NUDT2: variants seen among roughly 807,000 people sequenced by gnomAD.
NUDT2 encodes the protein bis(5'-nucleosyl)-tetraphosphatase [asymmetrical].
NUDT2 carries 12 observed loss-of-function variants against 14.2 expected under a neutral mutation model. The ratio of observed to expected loss-of-function variants is 0.84; its 90% CI spans 0.54 to 1.37. NUDT2 has a LOEUF of 1.37. Among genes scored for constraint, NUDT2 ranks in the 40% most tolerant of loss-of-function variants. The pLI is 0.00. For synonymous variants in NUDT2, 67 were observed against 67.4 expected (o/e 0.99, Z 0.03); for missense variants, 167 against 176.7 (o/e 0.95, Z 0.31).
At chr9:34,343,054 T>A in intron 4 of NUDT2, 70 bp from the exon 5 acceptor site, 1 of 1,429,062 alleles carries the variant, frequency 7.0e-7, no homozygotes, top group Non-Finnish European at 9.5e-7. Context: ...AAAAATCTTG[T>A]CTGGAAAATC....
At chr9:34,338,086 C>T (rs1239029652) in intron 2 of NUDT2, among the ~76,000 whole-genome samples, 2 of 145,924 alleles carry the variant, frequency 1.4e-5, no homozygotes, top group South Asian at 4.3e-4. Context: ...TCGTGATCCA[C>T]CCAGGGAGAG....
chr9:34,343,416 G>GT lies in NUDT2; in HGVS notation c.423dup (p.Leu142SerfsTer9), dbSNP rs1356223519. 6.2e-7 allele frequency: 1 copy of GT among 1,604,232 alleles called. No homozygotes were observed. The highest frequency in any genetic ancestry group is 2.2e-5 in the East Asian group (1 of 44,732). On this transcript the variant is annotated frameshift_variant, in exon 5 of 5. Coordinates refer to ENST00000379158, the MANE Select transcript of NUDT2 (RefSeq NM_001161.5). LOFTEE classifies it high-confidence loss of function. ...AGGCAGCGCTCCAAGAAGGACACCA[G>GT]TTTCTTTGCTCCATAGAGGCCTGAG...
At chr9:34,330,966 A>C (rs1214293869) in intron 1 of NUDT2, among the ~76,000 whole-genome samples, 1 of 151,690 alleles carries the variant, frequency 6.6e-6, no homozygotes, top group Admixed American at 6.6e-5. Flanking sequence ...GTCTCAAAAA[A>C]AAAAAGGTAG....
intron 1 of NUDT2, among the ~76,000 whole-genome samples, chr9:34,331,877 C>T (rs1395171630): frequency 6.6e-6 from 1 of 152,216 alleles, no homozygotes; most frequent in African/African-American, 2.4e-5. Flanking sequence ...AAGCCTTTCT[C>T]TTTCCCTTGG....
At chr9:34,341,506 T>G (rs577018627) in intron 4 of NUDT2, among the ~76,000 whole-genome samples, 1 of 152,322 alleles carries the variant, frequency 6.6e-6, no homozygotes, top group Non-Finnish European at 1.5e-5. Context: ...GCTAAGTTTC[T>G]GGGGGTTTTG....
At chr9:34,337,578 C>G (rs1409164639) in intron 2 of NUDT2, among the ~76,000 whole-genome samples, 2 of 152,168 alleles carry the variant, frequency 1.3e-5, no homozygotes, top group Non-Finnish European at 2.9e-5. Context: ...TGGTGAGAAA[C>G]CGCTATTCTC....
At position 34,338,847 on chromosome 9, in the gene NUDT2, G is replaced by A. The variant is rs1838165047; in HGVS notation, c.-17G>A. On this transcript the variant is annotated splice_region_variant and 5_prime_UTR_variant, in exon 3 of 5. Coordinates refer to ENST00000379158, the MANE Select transcript of NUDT2 (RefSeq NM_001161.5). Reference sequence around the variant, plus strand: ...CCAGGGTCCTGCAGTTATACACAAAGGTCAGTCTCTGATTCCTGGATGCCT... The same window carrying A: ...CCAGGGTCCTGCAGTTATACACAAAAGTCAGTCTCTGATTCCTGGATGCCT... 4 of 499,240 alleles carry A rather than the reference G, an allele frequency of 8.0e-6. No individual in the cohort carries two copies. In the South Asian group the frequency reaches 1.2e-4, roughly 15 times the overall value. The allele number at this position is 499,240 out of a possible 1,614,324, so 30.9% of individuals were successfully genotyped here.
chr9:34,341,935 G>A (rs971569297), intron 4 of NUDT2, among the ~76,000 whole-genome samples: 2 of 152,184 alleles, frequency 1.3e-5, no homozygotes, highest in Non-Finnish European at 2.9e-5. Context: ...CTGTGAGCAG[G>A]AGGCCTCCCT....
intron 2 of NUDT2, among the ~76,000 whole-genome samples, chr9:34,336,852 A>AT (rs944971758): frequency 2.0e-5 from 3 of 149,190 alleles, no homozygotes; most frequent in Middle Eastern, 3.7e-3. Flanking sequence ...CCTCGACCTC[A>AT]TTTTTTTTAA....
intron 1 of NUDT2, 130 bp downstream of exon 1, chr9:34,329,729 T>C (rs1050561745): frequency 1.3e-5 from 2 of 152,352 alleles, no homozygotes; most frequent in Admixed American, 6.5e-5. Flanking sequence ...CTCCTCTAAG[T>C]TGGCAGTGAG....
chr9:34,342,681 G>A (rs1468813064), intron 4 of NUDT2, among the ~76,000 whole-genome samples: 1 of 151,972 alleles, frequency 6.6e-6, no homozygotes, highest in Non-Finnish European at 1.5e-5. Flanking sequence ...AGGCATGTTA[G>A]GATATTGCCA....
rs540749388 is a variant in NUDT2, at chr9:34,330,675, G to C, written c.-265+1076G>C. On this transcript the variant is annotated intron_variant, in intron 1 of 4. Transcript: ENST00000379158. Reference sequence around the variant, plus strand: ...GCGAGTAGTAACTTCTTAAAAAATGGTAGCGGCCGGGCGCGGTGGCTCACG... The same window carrying C: ...GCGAGTAGTAACTTCTTAAAAAATGCTAGCGGCCGGGCGCGGTGGCTCACG... 2.0e-5 allele frequency among the ~76,000 whole-genome samples: 3 copies of C among 152,166 alleles called. 1 individual carries two copies. In the South Asian group the frequency reaches 6.2e-4, roughly 32 times the overall value.
At chr9:34,340,091 C>T (rs142615101) in intron 4 of NUDT2, among the ~76,000 whole-genome samples, 1,575 of 152,166 alleles carry the variant, frequency 0.01, 31 homozygotes, top group African/African-American at 0.036. Flanking sequence ...CCCACCACCA[C>T]GCCTGGCTAA....
intron 1 of NUDT2, among the ~76,000 whole-genome samples, chr9:34,334,931 T>C (rs1208816282): frequency 6.6e-6 from 1 of 152,098 alleles, no homozygotes; most frequent in African/African-American, 2.4e-5. Flanking sequence ...CAGTACACTG[T>C]GAAGGACAGA....
chr9:34,336,667 A>T (rs994341163), intron 2 of NUDT2, among the ~76,000 whole-genome samples: 1 of 152,040 alleles, frequency 6.6e-6, no homozygotes, highest in Non-Finnish European at 1.5e-5. Flanking sequence ...TTGGCCTCCC[A>T]AGTAGCTGGA....
At chr9:34,336,437 CTCAAACAGGGATTTCATTATACATGCTAT>C (rs1838089724) in intron 2 of NUDT2, 96 bp downstream of exon 2, 1 of 152,186 alleles carries the variant, frequency 6.6e-6, no homozygotes, top group African/African-American at 2.4e-5. Flanking sequence ...AATTTGTAAA[CTCAAACAGGGATTTCATTATACATGCTAT>C]TCAGAACTGT....
At chr9:34,340,661 T>C (rs750345519) in intron 4 of NUDT2, among the ~76,000 whole-genome samples, 3 of 152,122 alleles carry the variant, frequency 2.0e-5, no homozygotes, top group Non-Finnish European at 4.4e-5. Flanking sequence ...CTGCAGTCAT[T>C]TGGTCCTGAA....
At chr9:34,341,989 G>A (rs549108035) in intron 4 of NUDT2, among the ~76,000 whole-genome samples, 11 of 152,282 alleles carry the variant, frequency 7.2e-5, no homozygotes, top group African/African-American at 2.4e-4. Flanking sequence ...CTGCCAGACC[G>A]TTCCCAGTCT....
intron 1 of NUDT2, among the ~76,000 whole-genome samples, chr9:34,333,570 G>T (rs1347582160): frequency 7.2e-6 from 1 of 138,200 alleles, no homozygotes; most frequent in Non-Finnish European, 1.5e-5. Flanking sequence ...AAGGGATGCA[G>T]TGAGCTCTTG....
Sources: allele counts gnomAD v4.1 joint callset (sites outside exome capture counted in the v4.1 genomes callset), GRCh38; gene constraint gnomAD v4.1.1; transcripts MANE v1.5; gene names NCBI Gene and HGNC (gene_info 2026-07-23, HGNC 2026-07-21).